Variants in NCAM2 observed in about 807,000 individuals in gnomAD.
The protein encoded by NCAM2 is N-CAM-2.
In NCAM2, 30 loss-of-function variants were observed where a neutral mutation model predicts 98.1. That is an observed-to-expected ratio of 0.31 (90% CI 0.23 to 0.41). The LOEUF (loss-of-function observed/expected upper bound fraction) is 0.41, where lower values mean the gene tolerates loss of function less well. Among genes scored for constraint, NCAM2 ranks in the 10% least tolerant of loss-of-function variants. The pLI, the probability that NCAM2 is intolerant of heterozygous loss-of-function variation, is 1.00. For synonymous variants in NCAM2, 368 were observed against 342.4 expected, an observed-to-expected ratio of 1.07 and a Z score of -0.83; for missense variants, 867 against 1,005.8, an observed-to-expected ratio of 0.86 and a Z score of 1.87.
chr21:21,039,557 C>A (rs1020114036), intron 1 of NCAM2, among the ~76,000 whole-genome samples: 1 of 151,992 alleles, frequency 6.6e-6, no homozygotes, highest in Non-Finnish European at 1.5e-5. Flanking sequence ...CACATGTACC[C>A]CATAAATATA....
rs565096546 is a variant in NCAM2, at chr21:21,315,401, T to A, written c.620-8982T>A. Among the ~76,000 whole-genome samples, 184 of 152,276 alleles carry A rather than the reference T, an allele frequency of 1.2e-3. 2 individuals are homozygous for A. Among genetic ancestry groups the A allele is most frequent in the African/African-American group, 4.3e-3 (178 of 41,564 alleles). On this transcript the variant is annotated intron_variant, in intron 5 of 17. Coordinates refer to ENST00000400546, the MANE Select transcript of NCAM2 (RefSeq NM_004540.5). ...TTTCCTATTTCTTAGGTCACCACTT[T>A]TTAGTCCCCTGGCCAGAAAGCTGCG...
rs149707756 is a variant in NCAM2 at position 21,025,086 on chromosome 21, A to G, written c.55+26468A>G. On this transcript the variant is annotated intron_variant, in intron 1 of 17. Coordinates refer to ENST00000400546, the MANE Select transcript of NCAM2 (RefSeq NM_004540.5). ...GAAAAGGATTTAAAAATTAAGGACT[A>G]TAACTTTTTTTTTTTTTGAGATGGA... Among the ~76,000 whole-genome samples, 11 of 151,992 alleles carry G rather than the reference A, an allele frequency of 7.2e-5. No individual in the cohort carries two copies. The East Asian group carries it at 2.1e-3, about 30-fold the overall frequency.
chr21:21,519,411 A>G (rs1988890058), intron 16 of NCAM2, among the ~76,000 whole-genome samples: 1 of 152,062 alleles, frequency 6.6e-6, no homozygotes, highest in South Asian at 2.1e-4. Context: ...AAGAGTGAGT[A>G]TATTTCAGAT....
chr21:21,432,209 C>A lies in NCAM2; in HGVS notation c.1582C>A (p.His528Asn), dbSNP rs750754954. Reference sequence around the variant, plus strand: ...GGACTCCCATGGAGGTGTACCTATTCATCACTATCAGGTGGATGTCAAAGA... The same window carrying A: ...GGACTCCCATGGAGGTGTACCTATTAATCACTATCAGGTGGATGTCAAAGA... Reference protein sequence around the residue: ...KPDSHGGVPIHHYQVDVKEVA... With the variant: ...KPDSHGGVPINHYQVDVKEVA... The change falls in exon 12 of 18, where the codon CAT becomes AAT. Residue 528 changes from histidine to asparagine, a missense_variant. Transcript: ENST00000400546. 9 of 1,614,088 alleles carry A rather than the reference C, an allele frequency of 5.6e-6. No homozygotes were observed. In the Admixed American group the frequency reaches 1.5e-4, roughly 27 times the overall value.
intron 15 of NCAM2, among the ~76,000 whole-genome samples, chr21:21,507,533 C>A (rs1988057631): frequency 6.6e-6 from 1 of 152,030 alleles, no homozygotes; most frequent in African/African-American, 2.4e-5. Context: ...GTGGCTCATG[C>A]CTGTAATCCC....
chr21:21,310,742 A>G (rs2074022892), intron 5 of NCAM2, among the ~76,000 whole-genome samples: 1 of 152,186 alleles, frequency 6.6e-6, no homozygotes, highest in Non-Finnish European at 1.5e-5. Flanking sequence ...TTTAACGTAT[A>G]CATAGATTCA....
At chr21:21,374,069 A>T in intron 9 of NCAM2, 56 bp downstream of exon 9, 1 of 1,541,822 alleles carries the variant, frequency 6.5e-7, no homozygotes, top group Admixed American at 1.9e-5. Flanking sequence ...TTTGAAACAT[A>T]TGATTTTTCA....
chr21:21,363,015 C>T (rs950832147), intron 8 of NCAM2, among the ~76,000 whole-genome samples: 1 of 152,052 alleles, frequency 6.6e-6, no homozygotes, highest in Admixed American at 6.6e-5. Flanking sequence ...AATACTGGAA[C>T]CAAAATTTAA....
At chr21:21,417,358 A>C (rs893384247) in intron 10 of NCAM2, among the ~76,000 whole-genome samples, 8 of 152,070 alleles carry the variant, frequency 5.3e-5, no homozygotes, top group Non-Finnish European at 8.8e-5. Flanking sequence ...ACAAATTCTA[A>C]GCTTATTCCT....
intron 1 of NCAM2, among the ~76,000 whole-genome samples, chr21:21,270,384 T>C (rs2072446949): frequency 6.6e-6 from 1 of 152,150 alleles, no homozygotes; most frequent in African/African-American, 2.4e-5. Flanking sequence ...CCCAGCCTAA[T>C]TGGCACTAAG....
chr21:21,233,133 G>A (rs2070694505), intron 1 of NCAM2, among the ~76,000 whole-genome samples: 1 of 151,404 alleles, frequency 6.6e-6, no homozygotes, highest in Non-Finnish European at 1.5e-5. Flanking sequence ...CTACTTGGCA[G>A]GAGAAAGAAG....
intron 8 of NCAM2, among the ~76,000 whole-genome samples, chr21:21,348,052 C>T (rs1396265356): frequency 1.3e-5 from 2 of 152,014 alleles, no homozygotes; most frequent in Non-Finnish European, 2.9e-5. Context: ...AGATCTGGAA[C>T]ACTACAAGGA....
chr21:21,426,375 T>TA (rs2145995587), intron 11 of NCAM2, among the ~76,000 whole-genome samples: 2 of 152,268 alleles, frequency 1.3e-5, no homozygotes, highest in East Asian at 3.9e-4. Flanking sequence ...TTCAGTTACT[T>TA]ATGTTCCAAT....
chr21:21,278,500 TAAAATCTA>T (rs2072812476), intron 1 of NCAM2, among the ~76,000 whole-genome samples: 1 of 152,212 alleles, frequency 6.6e-6, no homozygotes, highest in Non-Finnish European at 1.5e-5. Flanking sequence ...AGAGAGTACC[TAAAATCTA>T]TTTTTCCCTT....
At chr21:21,484,261 G>C (rs1017739) in intron 15 of NCAM2, among the ~76,000 whole-genome samples, 28,378 of 152,026 alleles carry the variant, frequency 0.19, 2,948 homozygotes, top group Non-Finnish European at 0.23. Context: ...AGCCATTCTT[G>C]TTTTGTATGA....
intron 12 of NCAM2, among the ~76,000 whole-genome samples, chr21:21,458,067 G>C (rs1430907506): frequency 1.3e-5 from 2 of 152,182 alleles, no homozygotes; most frequent in Non-Finnish European, 2.9e-5. Flanking sequence ...ACAGGATCAG[G>C]GTTCAGGTGC....
At chr21:21,407,728 C>T (rs62207434) in intron 9 of NCAM2, among the ~76,000 whole-genome samples, 11,701 of 151,964 alleles carry the variant, frequency 0.077, 780 homozygotes, top group East Asian at 0.18. Context: ...TAGATATAGA[C>T]GTATGAATTT....
At chr21:21,428,011 A>G (rs2077252227) in intron 11 of NCAM2, among the ~76,000 whole-genome samples, 2 of 152,204 alleles carry the variant, frequency 1.3e-5, no homozygotes, top group African/African-American at 2.4e-5. Context: ...CTGCGATGTG[A>G]AAAGATTAAG....
chr21:21,314,098 C>T (rs2074142141), intron 5 of NCAM2, among the ~76,000 whole-genome samples: 1 of 152,040 alleles, frequency 6.6e-6, no homozygotes, highest in Admixed American at 6.6e-5. Context: ...ACATATTTCT[C>T]AGATATTTAC....
Sources: gnomAD v4.1 joint callset for allele counts (sites outside exome capture counted in the v4.1 genomes callset) on GRCh38, gnomAD v4.1.1 for gene constraint, MANE v1.5 for transcripts, NCBI Gene and HGNC (gene_info 2026-07-23, HGNC 2026-07-21) for gene names.